Variants in SNRNP25 observed in about 807,000 individuals in gnomAD.
The protein encoded by SNRNP25 is small nuclear ribonucleoprotein U11/U12 subunit 25, also known as U11/U12 small nuclear ribonucleoprotein 25 kDa protein.
In SNRNP25, 21 loss-of-function variants were observed where a neutral mutation model predicts 23.9. The observed-to-expected ratio is 0.88, with a 90% CI of 0.62 to 1.27. The LOEUF is 1.27. SNRNP25 is among the 50% of genes most tolerant of loss of function. SNRNP25 has a pLI of 0.00. For missense variants in SNRNP25, 160 were observed against 156.9 expected (o/e 1.02, Z -0.11); for synonymous variants, 63 against 60.4 (o/e 1.04, Z -0.20).
At chr16:56,334 G>T in intron 3 of SNRNP25, 1 of 716,316 alleles carries the variant, frequency 1.4e-6, no homozygotes, top group South Asian at 1.5e-5. Flanking sequence ...GGTTTGTTTG[G>T]CCAAGCCGCC....
At chr16:55,696 G>A in intron 2 of SNRNP25, 81 bp from the exon 3 acceptor site, 1 of 1,560,344 alleles carries the variant, frequency 6.4e-7, no homozygotes, top group Non-Finnish European at 8.8e-7. Context: ...GCACAGAGGT[G>A]TTGGTTCCTT....
In SNRNP25 at chr16:53,904, C is replaced by G. The variant is rs565223772; in HGVS notation, c.-113C>G. The G allele has an allele frequency of 9.9e-6, 15 of 1,518,242 alleles. No individual in the cohort carries two copies. The highest frequency in any genetic ancestry group is 9.7e-5 in the East Asian group (4 of 41,162). 94.0% of individuals were successfully genotyped at this position (1,518,242 alleles called of 1,614,324 possible). ...GGCAGAGCCCGGCTGAGAGGGGCGG[C>G]CCTGGAGGAGACGGAGGCCGCGGGT... On this transcript the variant is annotated 5_prime_UTR_variant, in exon 1 of 5. Transcript: ENST00000293861.
rs777684365 is a variant in SNRNP25 at position 57,182 on chromosome 16, G to A, written c.*39G>A. The A allele has an allele frequency of 2.4e-5, 39 of 1,606,416 alleles. No individual in the cohort carries two copies. In the South Asian group the frequency reaches 4.0e-4, roughly 16 times the overall value. On this transcript the variant is annotated 3_prime_UTR_variant, in exon 5 of 5. Transcript: ENST00000293861. Reference sequence around the variant, plus strand: ...ACAACCCTCTTCATCACTGGTGGCTGAGCTTTTTCCCAGCAGGAATGGGTC... The same window carrying A: ...ACAACCCTCTTCATCACTGGTGGCTAAGCTTTTTCCCAGCAGGAATGGGTC...
At position 55,835 on chromosome 16, in the gene SNRNP25, C is replaced by T. The variant is rs1337865477; in HGVS notation, c.192C>T (p.Tyr64=). ...VLDLKKAIQR[Y]VQLKQEREGG... is the part of the protein sequence containing the mutation. ...ACCTGAAGAAGGCCATCCAGAGATA[C>T]GTGCAGCTCAAGCAGGAGCGTGAAG... Residue 64 remains tyrosine, a synonymous_variant, in exon 3 of 5, where the codon TAC becomes TAT. Transcript: ENST00000293861. 26 of 1,614,072 alleles carry T rather than the reference C, an allele frequency of 1.6e-5. No individual in the cohort carries two copies. The highest frequency in any genetic ancestry group is 3.3e-5 in the Admixed American group (2 of 60,002).
At chr16:55,709 C>T in intron 2 of SNRNP25, 68 bp from the exon 3 acceptor site, 2 of 1,580,088 alleles carry the variant, frequency 1.3e-6, no homozygotes, top group Admixed American at 3.5e-5. Context: ...GGTTCCTTTC[C>T]TGCCATCGGA....
chr16:53,845 G>C lies in SNRNP25; in HGVS notation c.-172G>C. 7.1e-7 allele frequency: 1 copy of C among 1,406,864 alleles called. No homozygotes were observed. The allele number at this position is 1,406,864 out of a possible 1,614,324, so 87.1% of individuals were successfully genotyped here. Reference sequence around the variant, plus strand: ...GGCGGGCCGCAGTTCCTGCGCGTGCGCGCTTGGCCTCCCTAGTGCGGGCTG... The same window carrying C: ...GGCGGGCCGCAGTTCCTGCGCGTGCCCGCTTGGCCTCCCTAGTGCGGGCTG... On this transcript the variant is annotated 5_prime_UTR_variant, in exon 1 of 5. Transcript: ENST00000293861.
rs545355948 is a variant in SNRNP25, at chr16:54,980, A to T, written c.43-479A>T. The T allele has an allele frequency of 2.1e-3, 327 of 159,274 alleles. 5 individuals carry two copies. In the Middle Eastern group the frequency reaches 0.026, roughly 13 times the overall value. 9.9% of individuals were successfully genotyped at this position (159,274 alleles called of 1,614,324 possible). On this transcript the variant is annotated intron_variant, in intron 1 of 4. Transcript: ENST00000293861. ...CAGGCGTGAGCCACCGCGCCCGGCC[A>T]ATTTTAAATGTTTTATATTTTGCTC...
chr16:55,286 A>G, intron 1 of SNRNP25, 173 bp from the exon 2 acceptor site: 1 of 599,778 alleles, frequency 1.7e-6, no homozygotes, highest in Admixed American at 2.8e-5. Flanking sequence ...TGTGAGTGGA[A>G]CATGAGATTG....
At chr16:54,351 G>A (rs1048874395) in intron 1 of SNRNP25, among the ~76,000 whole-genome samples, 2 of 152,164 alleles carry the variant, frequency 1.3e-5, no homozygotes, top group East Asian at 3.9e-4. Flanking sequence ...GGAGTGCAGC[G>A]GCGTCCTCCC....
intron 3 of SNRNP25, chr16:56,279 A>C: frequency 1.4e-6 from 1 of 700,362 alleles, no homozygotes; most frequent in Non-Finnish European, 2.7e-6. Flanking sequence ...TGGATCAACT[A>C]TCCTGTTCAC....
At chr16:54,082 G>A (rs1296560801) in intron 1 of SNRNP25, 24 bp downstream of exon 1, 4 of 1,588,832 alleles carry the variant, frequency 2.5e-6, no homozygotes, top group East Asian at 2.3e-5. Context: ...GGGGCTGGGG[G>A]CGCGGGAGTC....
rs748192436 is a variant in SNRNP25, at chr16:54,110, C to T, written c.42+52C>T. Reference sequence around the variant, plus strand: ...CGGGAGTCGTTCCCCGGGGTCCGGGCATCCGGGCGCCGGCAGCCTCCGAAG... The same window carrying T: ...CGGGAGTCGTTCCCCGGGGTCCGGGTATCCGGGCGCCGGCAGCCTCCGAAG... On this transcript the variant is annotated intron_variant, in intron 1 of 4. Coordinates refer to ENST00000293861, the MANE Select transcript of SNRNP25 (RefSeq NM_024571.4). 18 of 1,553,100 alleles carry T rather than the reference C, an allele frequency of 1.2e-5. No homozygotes were observed. The East Asian group carries it at 3.9e-4, about 34-fold the overall frequency.
chr16:56,106 T>G (rs1322125519), intron 3 of SNRNP25: 1 of 617,690 alleles, frequency 1.6e-6, no homozygotes, highest in African/African-American at 1.8e-5. Context: ...CATTCTGCTC[T>G]TCCATCGGCA....
chr16:55,843 T>C lies in SNRNP25; in HGVS notation c.200T>C (p.Leu67Pro). ...AAGGCCATCCAGAGATACGTGCAGC[T>C]CAAGCAGGAGCGTGAAGGGGGCATT... ...LKKAIQRYVQ[L>P]KQEREGGIQH... Residue 67 changes from leucine to proline, a missense_variant, in exon 3 of 5, where the codon CTC becomes CCC. Transcript: ENST00000293861. The C allele has an allele frequency of 1.2e-6, 2 of 1,614,154 alleles. No individual in the cohort carries two copies. Among genetic ancestry groups the C allele is most frequent in the Non-Finnish European group, 1.7e-6 (2 of 1,180,004 alleles).
intron 2 of SNRNP25, 112 bp from the exon 3 acceptor site, chr16:55,665 G>A: frequency 5.2e-6 from 8 of 1,534,198 alleles, no homozygotes; most frequent in Non-Finnish European, 7.2e-6. Context: ...GGGTACTGGG[G>A]CAACCACAAA....
rs1897371442 is a variant in SNRNP25 at position 53,832 on chromosome 16, T to C, written c.-185T>C. The C allele has an allele frequency of 7.5e-7, 1 of 1,330,720 alleles. No homozygotes were observed. Among genetic ancestry groups the C allele is most frequent in the Non-Finnish European group, 9.9e-7 (1 of 1,012,636 alleles). The allele number at this position is 1,330,720 out of a possible 1,614,324, so 82.4% of individuals were successfully genotyped here. ...GCGGCCTCGCTGGGGCGGGCCGCAG[T>C]TCCTGCGCGTGCGCGCTTGGCCTCC... On this transcript the variant is annotated 5_prime_UTR_variant, in exon 1 of 5. Coordinates refer to ENST00000293861, the MANE Select transcript of SNRNP25 (RefSeq NM_024571.4).
At position 53,962 on chromosome 16, in the gene SNRNP25, A is replaced by G; in HGVS notation, c.-55A>G. ...AGGCGCAAGAGGAAGATGAGGACGA[A>G]GAAGAGGCGCTGCCGCACTCCGAGG... is the stretch of plus-strand genomic sequence containing the variant. On this transcript the variant is annotated 5_prime_UTR_variant, in exon 1 of 5. Coordinates refer to ENST00000293861, the MANE Select transcript of SNRNP25 (RefSeq NM_024571.4). The G allele has an allele frequency of 6.2e-7, 1 of 1,600,124 alleles. No individual in the cohort carries two copies. Among genetic ancestry groups the G allele is most frequent in the Non-Finnish European group, 8.5e-7 (1 of 1,174,578 alleles).
At chr16:56,329 G>T (rs752533261) in intron 3 of SNRNP25, 9 of 715,190 alleles carry the variant, frequency 1.3e-5, no homozygotes, top group Non-Finnish European at 2.3e-5. Flanking sequence ...AGCAAGGTTT[G>T]TTTGGCCAAG....
At position 57,084 on chromosome 16, in the gene SNRNP25, A is replaced by G; in HGVS notation, c.315-2A>G. ...TGCTTTATGCCTTTCCTTCTTTTTC[A>G]GCTACGGCATCCGGAATCGAGACGA... is the stretch of plus-strand genomic sequence containing the variant. On this transcript the variant is annotated splice_acceptor_variant, in intron 4 of 4. Transcript: ENST00000293861. LOFTEE classifies it high-confidence loss of function. The G allele has an allele frequency of 6.2e-7, 1 of 1,614,026 alleles. No individual in the cohort carries two copies. Among genetic ancestry groups the G allele is most frequent in the Middle Eastern group, 1.7e-4 (1 of 6,056 alleles).
Sources: allele counts gnomAD v4.1 joint callset (sites outside exome capture counted in the v4.1 genomes callset), GRCh38; gene constraint gnomAD v4.1.1; transcripts MANE v1.5; gene names NCBI Gene and HGNC (gene_info 2026-07-23, HGNC 2026-07-21).